ITGB6: variants seen among roughly 807,000 people sequenced by gnomAD.
The protein encoded by ITGB6 is integrin subunit beta 6, also known as integrin beta-6.
In ITGB6, 80 loss-of-function variants were observed where a neutral mutation model predicts 84.5. That is an observed-to-expected ratio of 0.95 (90% CI 0.79 to 1.14). ITGB6 has a LOEUF of 1.14. Ranked by LOEUF, ITGB6 falls within the 50% of genes most tolerant of loss-of-function variation. The pLI is 0.00. For synonymous variants in ITGB6, 383 were observed against 354.9 expected (o/e 1.08, Z -0.89); for missense variants, 1,006 against 968.0 (o/e 1.04, Z -0.52).
intron 14 of ITGB6, among the ~76,000 whole-genome samples, chr2:160,102,787 G>A (rs1358493761): frequency 2.4e-5 from 3 of 127,422 alleles, no homozygotes; most frequent in South Asian, 2.3e-4. Context: ...GATCACACAG[G>A]CTATGGCAAC....
chr2:160,149,987 T>C (rs1684348097), intron 7 of ITGB6, among the ~76,000 whole-genome samples: 1 of 152,210 alleles, frequency 6.6e-6, no homozygotes, highest in Non-Finnish European at 1.5e-5. Flanking sequence ...CTGATTGGTG[T>C]ACCTGAAAGT....
intron 12 of ITGB6, among the ~76,000 whole-genome samples, chr2:160,121,413 T>C (rs1175611453): frequency 6.6e-6 from 1 of 152,232 alleles, no homozygotes; most frequent in Non-Finnish European, 1.5e-5. Context: ...TTCTATGTAA[T>C]GTTTTCATAT....
In ITGB6 at chr2:160,174,033, C is replaced by T. The variant is rs778657225; in HGVS notation, c.700G>A (p.Ala234Thr). 2 of 1,613,742 alleles carry T rather than the reference C, an allele frequency of 1.2e-6. No homozygotes were observed. Among genetic ancestry groups the T allele is most frequent in the East Asian group, 2.2e-5 (1 of 44,850 alleles). The part of the protein sequence containing the change: ...NEIVKNQKIS[A>T]NIDTPEGGFD... ...CCACCTTCGGGTGTGTCAATATTAG[C>T]AGAAATTTTCTGATTCTTCACAATT... Residue 234 changes from alanine to threonine, a missense_variant, in exon 5 of 15, where the codon GCT becomes ACT. Physicochemically the swap from Ala to Thr is moderately conservative, Grantham distance 58. Coordinates refer to ENST00000283249, the MANE Select transcript of ITGB6 (RefSeq NM_000888.5).
At chr2:160,189,426 A>C (rs1686045321) in intron 4 of ITGB6, among the ~76,000 whole-genome samples, 1 of 152,104 alleles carries the variant, frequency 6.6e-6, no homozygotes, top group Admixed American at 6.6e-5. Flanking sequence ...AACCTACAGA[A>C]TGGGAGAAAA....
At chr2:160,171,491 C>T (rs533368280) in intron 6 of ITGB6, among the ~76,000 whole-genome samples, 10 of 152,184 alleles carry the variant, frequency 6.6e-5, no homozygotes, top group South Asian at 2.1e-4. Flanking sequence ...CCCACCACCA[C>T]GCCCGGCTAA....
intron 10 of ITGB6, among the ~76,000 whole-genome samples, chr2:160,134,390 C>A (rs974089707): frequency 2.6e-5 from 4 of 152,098 alleles, no homozygotes; most frequent in South Asian, 2.1e-4. Flanking sequence ...CAATAACAGG[C>A]TCTGAAATTG....
intron 12 of ITGB6, among the ~76,000 whole-genome samples, chr2:160,115,135 T>G (rs1188629868): frequency 6.6e-6 from 1 of 152,170 alleles, no homozygotes; most frequent in Non-Finnish European, 1.5e-5. Flanking sequence ...GTCTGACAGC[T>G]TTGAAGAGAG....
chr2:160,154,247 G>A (rs962548156), intron 7 of ITGB6, among the ~76,000 whole-genome samples: 2 of 152,140 alleles, frequency 1.3e-5, no homozygotes, highest in Admixed American at 6.6e-5. Context: ...GGAATACTAT[G>A]CAGCCATAAA....
chr2:160,174,047 T>G lies in ITGB6; in HGVS notation c.686A>C (p.Asn229Thr). 6.2e-7 allele frequency: 1 copy of G among 1,613,334 alleles called. No homozygotes were observed. Among genetic ancestry groups the G allele is most frequent in the African/African-American group, 1.3e-5 (1 of 75,054 alleles). Reference sequence around the variant, plus strand: ...GTCAATATTAGCAGAAATTTTCTGATTCTTCACAATTTCATTGAATCTTTC... The same window carrying G: ...GTCAATATTAGCAGAAATTTTCTGAGTCTTCACAATTTCATTGAATCTTTC... ...DAERFNEIVKNQKISANIDTP... is the reference protein window; with the variant it reads ...DAERFNEIVKTQKISANIDTP... Residue 229 changes from asparagine to threonine, a missense_variant, in exon 5 of 15, where the codon AAT becomes ACT. Coordinates refer to ENST00000283249, the MANE Select transcript of ITGB6 (RefSeq NM_000888.5).
At chr2:160,116,883 A>G (rs890938236) in intron 12 of ITGB6, among the ~76,000 whole-genome samples, 1 of 150,804 alleles carries the variant, frequency 6.6e-6, no homozygotes, top group Admixed American at 6.6e-5. Context: ...GATAAAACAG[A>G]CTTTAAACCA....
At chr2:160,109,535 G>T (rs763498465) in intron 13 of ITGB6, among the ~76,000 whole-genome samples, 2 of 152,204 alleles carry the variant, frequency 1.3e-5, no homozygotes, top group Non-Finnish European at 2.9e-5. Flanking sequence ...GTCTGGCAGA[G>T]ATAATTATTT....
intron 12 of ITGB6, among the ~76,000 whole-genome samples, chr2:160,115,283 T>G (rs7599127): frequency 0.12 from 18,140 of 152,066 alleles, 2,009 homozygotes; most frequent in East Asian, 0.29. Context: ...AGCCGGGTAC[T>G]CCTCTGAGGC....
intron 7 of ITGB6, among the ~76,000 whole-genome samples, chr2:160,152,172 G>A (rs555868100): frequency 1.6e-4 from 24 of 152,296 alleles, no homozygotes; most frequent in Admixed American, 3.3e-4. Context: ...CAATATCTCT[G>A]ATGATCATCA....
intron 4 of ITGB6, among the ~76,000 whole-genome samples, chr2:160,186,328 A>G (rs181198469): frequency 1.3e-5 from 2 of 152,320 alleles, no homozygotes; most frequent in East Asian, 3.9e-4. Context: ...CACTTCTCAA[A>G]AGAAGACATT....
At chr2:160,111,883 A>T (rs1682533609) in intron 13 of ITGB6, among the ~76,000 whole-genome samples, 197 bp downstream of exon 13, 1 of 152,046 alleles carries the variant, frequency 6.6e-6, no homozygotes, top group Non-Finnish European at 1.5e-5. Flanking sequence ...CCCGACCCTT[A>T]TCTGGTCTTA....
chr2:160,116,036 T>C (rs560507470), intron 12 of ITGB6, among the ~76,000 whole-genome samples: 2 of 146,452 alleles, frequency 1.4e-5, no homozygotes, highest in South Asian at 2.2e-4. Context: ...CTACTTCTGA[T>C]TGGTGTACCT....
chr2:160,145,458 C>A (rs1448974524), intron 7 of ITGB6, among the ~76,000 whole-genome samples: 1 of 152,248 alleles, frequency 6.6e-6, no homozygotes, highest in African/African-American at 2.4e-5. Flanking sequence ...TCGGCCCCAT[C>A]TCCAAAAAGA....
chr2:160,134,294 A>G (rs1173152298), intron 10 of ITGB6, among the ~76,000 whole-genome samples: 13 of 152,238 alleles, frequency 8.5e-5, no homozygotes, highest in South Asian at 2.1e-4. Flanking sequence ...CAAATAAACT[A>G]GAAAATCTGG....
intron 12 of ITGB6, among the ~76,000 whole-genome samples, chr2:160,114,325 T>C (rs982541617): frequency 1.3e-5 from 2 of 152,220 alleles, no homozygotes; most frequent in Non-Finnish European, 2.9e-5. Flanking sequence ...TTTCTTCTGT[T>C]GTTCATAGAA....
Sources: gnomAD v4.1 joint callset for allele counts (sites outside exome capture counted in the v4.1 genomes callset) on GRCh38, gnomAD v4.1.1 for gene constraint, MANE v1.5 for transcripts, NCBI Gene and HGNC (gene_info 2026-07-23, HGNC 2026-07-21) for gene names.